The following EXOC5 variants were observed in gnomAD, a reference collection of about 807,000 sequenced individuals.
EXOC5 encodes SEC10-like 1.
In EXOC5, 17 loss-of-function variants were observed where a neutral mutation model predicts 90.8. That is an observed-to-expected ratio of 0.19 (90% CI 0.13 to 0.28). EXOC5 has a LOEUF of 0.28. Ranked by LOEUF, EXOC5 falls within the 10% of genes least tolerant of loss-of-function variation. EXOC5 has a pLI of 1.00. For synonymous variants in EXOC5, 260 were observed against 270.0 expected (o/e 0.96, Z 0.36); for missense variants, 569 against 830.6 (o/e 0.69, Z 3.87).
chr14:57,206,183 G>T lies in EXOC5; in HGVS notation c.*2426C>A, dbSNP rs117870712. ...GTAATACTGCAAAGACCGTACTTACGTAAATGTTGGTTAAAGTTACCAATT... is the reference window on the plus strand; with the variant it reads ...GTAATACTGCAAAGACCGTACTTACTTAAATGTTGGTTAAAGTTACCAATT... On this transcript the variant is annotated 3_prime_UTR_variant, in exon 18 of 18. Coordinates refer to ENST00000621441, the MANE Select transcript of EXOC5 (RefSeq NM_006544.4). The T allele has an allele frequency of 3.4e-4, 103 of 303,068 alleles. 2 individuals are homozygous for T. The East Asian group carries it at 8.4e-3, about 25-fold the overall frequency. 18.8% of individuals were successfully genotyped at this position (303,068 alleles called of 1,614,324 possible). A position where few individuals can be genotyped will look rare whatever the true frequency, so the allele number is the denominator to read the frequency against.
In EXOC5 at chr14:57,232,372, G is replaced by T. The variant is rs558822574; in HGVS notation, c.938+295C>A. On this transcript the variant is annotated intron_variant, in intron 10 of 17. Transcript: ENST00000621441. ...AGATTTAGAGCTGAAATTGTCATTT[G>T]TTAAGATTACATCACTTCCTTTTGC... 2.1e-5 allele frequency: 4 copies of T among 192,782 alleles called. No individual in the cohort carries two copies. In the East Asian group the frequency reaches 4.9e-4, roughly 24 times the overall value. The allele number at this position is 192,782 out of a possible 1,614,324, so 11.9% of individuals were successfully genotyped here. A position where few individuals can be genotyped will look rare whatever the true frequency, so the allele number is the denominator to read the frequency against.
rs1215651372 is a variant in EXOC5, at chr14:57,239,872, T to C, written c.466-213A>G. Among the ~76,000 whole-genome samples the C allele has an allele frequency of 2.0e-5, 3 of 152,114 alleles. No homozygotes were observed. The East Asian group carries it at 5.8e-4, about 29-fold the overall frequency. On this transcript the variant is annotated intron_variant, in intron 4 of 17. Coordinates refer to ENST00000621441, the MANE Select transcript of EXOC5 (RefSeq NM_006544.4). ...TAATGAGTCAATAATAACATAAACA[T>C]TTAGCTTTCTGGTACTGAAATTCTG... is the stretch of plus-strand genomic sequence containing the variant.
chr14:57,235,956 T>C (rs1013048799), intron 6 of EXOC5, 136 bp from the exon 7 acceptor site: 19 of 604,268 alleles, frequency 3.1e-5, no homozygotes, highest in African/African-American at 2.2e-4. Flanking sequence ...AATGAGATTA[T>C]AGGCCGTGAA....
intron 13 of EXOC5, 95 bp downstream of exon 13, chr14:57,222,213 C>T (rs1307990225): frequency 6.7e-6 from 4 of 593,842 alleles, no homozygotes; most frequent in South Asian, 5.7e-5. Context: ...GAATTTGAGA[C>T]ACAGAGATGA....
At chr14:57,244,402 C>A in intron 3 of EXOC5, 43 bp from the exon 4 acceptor site, 2 of 1,395,758 alleles carry the variant, frequency 1.4e-6, no homozygotes, top group South Asian at 2.3e-5. Context: ...TCAGTGTGCT[C>A]AGTTTATAAT....
chr14:57,213,137 A>G (rs1882875911), intron 15 of EXOC5, among the ~76,000 whole-genome samples: 1 of 151,980 alleles, frequency 6.6e-6, no homozygotes, highest in Non-Finnish European at 1.5e-5. Context: ...TAATCCCAGC[A>G]CTTTGTGAGG....
At chr14:57,219,761 C>T (rs1011913373) in intron 13 of EXOC5, among the ~76,000 whole-genome samples, 3 of 152,072 alleles carry the variant, frequency 2.0e-5, no homozygotes, top group African/African-American at 7.2e-5. Flanking sequence ...ATAATTTTCT[C>T]ATTGGTCTTC....
At chr14:57,222,511 A>C in intron 12 of EXOC5, 95 bp from the exon 13 acceptor site, 2 of 606,062 alleles carry the variant, frequency 3.3e-6, no homozygotes, top group East Asian at 5.8e-5. Flanking sequence ...GGATGTAGTC[A>C]GTGTTTCAGG....
chr14:57,238,528 A>T (rs1198231284), intron 5 of EXOC5, among the ~76,000 whole-genome samples: 3 of 151,688 alleles, frequency 2.0e-5, no homozygotes, highest in Non-Finnish European at 2.9e-5. Flanking sequence ...TGAGCTAGAC[A>T]TTTTACCCAT....
At chr14:57,262,715 A>ATG (rs955684035) in intron 1 of EXOC5, among the ~76,000 whole-genome samples, 2 of 110,944 alleles carry the variant, frequency 1.8e-5, no homozygotes, top group African/African-American at 6.1e-5. Context: ...ATGTATATAT[A>ATG]TGTGTGTGTA....
intron 7 of EXOC5, among the ~76,000 whole-genome samples, chr14:57,234,499 G>A (rs1166529070): frequency 2.8e-5 from 4 of 144,600 alleles, no homozygotes; most frequent in Non-Finnish European, 4.5e-5. Context: ...ATATTAAAGT[G>A]TGTATATATA....
intron 1 of EXOC5, among the ~76,000 whole-genome samples, chr14:57,263,499 G>A (rs1228090997): frequency 6.6e-6 from 1 of 151,628 alleles, no homozygotes; most frequent in Non-Finnish European, 1.5e-5. Flanking sequence ...CAGGCACGGT[G>A]GCTCACGCTT....
chr14:57,233,665 T>G, intron 9 of EXOC5, 78 bp downstream of exon 9: 1 of 911,044 alleles, frequency 1.1e-6, no homozygotes. Flanking sequence ...AACTAAATTT[T>G]AAAAATACTT....
At chr14:57,250,064 G>A (rs1243917025) in intron 1 of EXOC5, among the ~76,000 whole-genome samples, 1 of 152,134 alleles carries the variant, frequency 6.6e-6, no homozygotes, top group Non-Finnish European at 1.5e-5. Flanking sequence ...GAGCCACCAG[G>A]CCTGGCCAGA....
rs1421122007 is a variant in EXOC5 at position 57,268,666 on chromosome 14, C to G, written c.-18G>C. 1.3e-6 allele frequency: 2 copies of G among 1,580,376 alleles called. No homozygotes were observed. ...GTAGCCATCCCGGCCGGCTGAGAGGCTCGCCCCCCACTGGATGCCGTCTCC... is the reference window on the plus strand; with the variant it reads ...GTAGCCATCCCGGCCGGCTGAGAGGGTCGCCCCCCACTGGATGCCGTCTCC... On this transcript the variant is annotated 5_prime_UTR_variant, in exon 1 of 18. Transcript: ENST00000621441.
intron 10 of EXOC5, 54 bp downstream of exon 10, chr14:57,232,613 C>CA: frequency 3.9e-6 from 3 of 776,764 alleles, no homozygotes; most frequent in South Asian, 2.0e-5. Context: ...TTGTTTTTAT[C>CA]AAAAAAATTT....
chr14:57,262,947 G>C (rs1884559871), intron 1 of EXOC5, among the ~76,000 whole-genome samples: 1 of 151,900 alleles, frequency 6.6e-6, no homozygotes, highest in Non-Finnish European at 1.5e-5. Flanking sequence ...CATTGAATTA[G>C]GTTAGACTTT....
At position 57,231,581 on chromosome 14, in the gene EXOC5, T is replaced by C. The variant is rs867397446; in HGVS notation, c.1073A>G (p.Lys358Arg). The change falls in exon 11 of 18, where the codon AAA becomes AGA. Residue 358 changes from lysine (K) to arginine (R), a missense_variant. Lys to Arg is a conservative substitution (Grantham distance 26, BLOSUM62 2). Transcript: ENST00000621441. Reference sequence around the variant, plus strand: ...CTGTAGGATCATAGCACTTCTGCTTTTCAAATATCCAGTCTCCACCTCAAT... The same window carrying C: ...CTGTAGGATCATAGCACTTCTGCTTCTCAAATATCCAGTCTCCACCTCAAT... The part of the protein sequence containing the change: ...NYIEVETGYL[K>R]SRSAMILQRY... 1 of 1,613,108 alleles carries C rather than the reference T, an allele frequency of 6.2e-7. No homozygotes were observed. The highest frequency in any genetic ancestry group is 1.8e-4 in the Middle Eastern group (1 of 5,586).
At chr14:57,235,454 A>T (rs1295014126) in intron 7 of EXOC5, among the ~76,000 whole-genome samples, 1 of 152,080 alleles carries the variant, frequency 6.6e-6, no homozygotes, top group South Asian at 2.1e-4. Context: ...TTATCAAAGT[A>T]TAAAAATTCA....
Sources: gnomAD v4.1 joint callset for allele counts (sites outside exome capture counted in the v4.1 genomes callset) on GRCh38, gnomAD v4.1.1 for gene constraint, MANE v1.5 for transcripts, NCBI Gene and HGNC (gene_info 2026-07-23, HGNC 2026-07-21) for gene names.